Variants in MAST4 observed in about 807,000 individuals in gnomAD.
MAST4 encodes microtubule associated serine/threonine kinase family member 4.
MAST4 carries 89 observed loss-of-function variants against 162.7 expected under a neutral mutation model. The ratio of observed to expected loss-of-function variants is 0.55; its 90% confidence interval spans 0.46 to 0.65. The LOEUF is 0.65. MAST4 is among the 30% of genes least tolerant of loss of function. The probability of loss-of-function intolerance (pLI) is 0.00; values close to 1 mark genes in which losing one functional copy is unlikely to be tolerated. For synonymous variants in MAST4, 1,479 were observed against 1,361.1 expected (o/e 1.09, Z -1.91); for missense variants, 3,153 against 3,374.0 (o/e 0.93, Z 1.62).
chr5:66,913,244 C>A (rs796906859), intron 4 of MAST4, among the ~76,000 whole-genome samples: 2 of 152,174 alleles, frequency 1.3e-5, no homozygotes, highest in Admixed American at 6.5e-5. Context: ...CCATCTCCCC[C>A]AGAAGTTTTC....
Position 67,045,537 on chromosome 5 carries a change from A to G in MAST4, c.675-8867A>G, listed in dbSNP as rs141446414. Reference sequence around the variant, plus strand: ...CATTTCAGTCAACAACAGACCACATATATGAAGGACTGCATATACACAGGT... The same window carrying G: ...CATTTCAGTCAACAACAGACCACATGTATGAAGGACTGCATATACACAGGT... On this transcript the variant is annotated intron_variant, in intron 4 of 28. Coordinates refer to ENST00000403625, the MANE Select transcript of MAST4 (RefSeq NM_001164664.2). 1.0e-3 allele frequency among the ~76,000 whole-genome samples: 159 copies of G among 152,356 alleles called. 2 individuals carry two copies. Among genetic ancestry groups the G allele is most frequent in the African/African-American group, 3.8e-3 (157 of 41,580 alleles).
At chr5:66,690,230 T>C (rs1748952147) in intron 1 of MAST4, among the ~76,000 whole-genome samples, 1 of 152,180 alleles carries the variant, frequency 6.6e-6, no homozygotes, top group Non-Finnish European at 1.5e-5. Flanking sequence ...ATTGTTAATT[T>C]GAGGGTCAAA....
chr5:66,816,196 C>T (rs1756709736), intron 3 of MAST4, among the ~76,000 whole-genome samples: 1 of 152,028 alleles, frequency 6.6e-6, no homozygotes, highest in African/African-American at 2.4e-5. Flanking sequence ...TGTAAACTTT[C>T]TTGAAACATT....
intron 3 of MAST4, among the ~76,000 whole-genome samples, chr5:66,885,394 A>G (rs750714332): frequency 1.4e-4 from 22 of 152,242 alleles, no homozygotes; most frequent in Non-Finnish European, 2.5e-4. Context: ...TACAAAATGC[A>G]GAGTCTAGCA....
rs1191602241 is a variant in MAST4 at position 66,922,894 on chromosome 5, C to G, written c.674+22912C>G. On this transcript the variant is annotated intron_variant, in intron 4 of 28. Coordinates refer to ENST00000403625, the MANE Select transcript of MAST4 (RefSeq NM_001164664.2). ...TCTCCAATTTAGGGCGGCACATGTTCCCCAACCTCCAATTTATCTGACCAG... is the reference window on the plus strand; with the variant it reads ...TCTCCAATTTAGGGCGGCACATGTTGCCCAACCTCCAATTTATCTGACCAG... Among the ~76,000 whole-genome samples the G allele has an allele frequency of 2.6e-5, 4 of 152,190 alleles. No homozygotes were observed. The East Asian group carries it at 7.7e-4, about 29-fold the overall frequency.
intron 1 of MAST4, among the ~76,000 whole-genome samples, chr5:66,627,512 G>A (rs1179787690): frequency 1.3e-5 from 2 of 152,164 alleles, no homozygotes; most frequent in Non-Finnish European, 2.9e-5. Flanking sequence ...CTTCACCAGG[G>A]TAGCAGTCAT....
intron 4 of MAST4, among the ~76,000 whole-genome samples, chr5:66,970,621 A>G (rs1468515127): frequency 6.6e-6 from 1 of 152,120 alleles, no homozygotes; most frequent in Non-Finnish European, 1.5e-5. Flanking sequence ...CTATGCACTC[A>G]CCTTTTCACA....
chr5:66,730,042 C>A (rs1334873873), intron 1 of MAST4, among the ~76,000 whole-genome samples: 8 of 151,834 alleles, frequency 5.3e-5, no homozygotes, highest in East Asian at 1.9e-4. Flanking sequence ...TATTTTTTTT[C>A]TTTTGTCTTA....
At chr5:66,955,060 G>A (rs540457403) in intron 4 of MAST4, among the ~76,000 whole-genome samples, 4 of 151,952 alleles carry the variant, frequency 2.6e-5, no homozygotes, top group Non-Finnish European at 5.9e-5. Context: ...ACAAAAATTA[G>A]CTGGGCATGG....
At position 67,134,666 on chromosome 5, in the gene MAST4, GC is replaced by G; in HGVS notation, c.2371del (p.Leu791TyrfsTer26). 1 of 1,613,094 alleles carries G rather than the reference GC, an allele frequency of 6.2e-7. No homozygotes were observed. On this transcript the variant is annotated frameshift_variant, in exon 18 of 29. Coordinates refer to ENST00000403625, the MANE Select transcript of MAST4 (RefSeq NM_001164664.2). LOFTEE classifies it high-confidence loss of function. ...CATTCTTTGGGGATACTCCAGAGGA[GC>G]TATTTGGACAAGTCATCAGTGGTAA... Reference protein sequence around the residue: ...VPFFGDTPEELFGQVISDEIN... With the variant: ...VPFFGDTPEEXFGQVISDEIN...
chr5:67,055,791 A>G (rs1224102526), intron 5 of MAST4, among the ~76,000 whole-genome samples: 3 of 152,158 alleles, frequency 2.0e-5, no homozygotes, highest in Non-Finnish European at 2.9e-5. Flanking sequence ...GAAGTAACCT[A>G]ACGATCTATC....
At chr5:66,695,629 C>T (rs946565177) in intron 1 of MAST4, among the ~76,000 whole-genome samples, 1 of 151,922 alleles carries the variant, frequency 6.6e-6, no homozygotes, top group Non-Finnish European at 1.5e-5. Context: ...TTTCATGATA[C>T]TGATTTTTCC....
At chr5:66,737,631 G>A (rs1018316959) in intron 1 of MAST4, among the ~76,000 whole-genome samples, 1 of 152,084 alleles carries the variant, frequency 6.6e-6, no homozygotes, top group South Asian at 2.1e-4. Context: ...TGTGTCTAGG[G>A]TACATACTGA....
chr5:66,750,386 G>A (rs893244276), intron 1 of MAST4, among the ~76,000 whole-genome samples: 22 of 152,208 alleles, frequency 1.4e-4, no homozygotes, highest in African/African-American at 4.3e-4. Flanking sequence ...CTGAGGTACC[G>A]GGTTCATCTC....
At chr5:66,970,667 A>G (rs935982613) in intron 4 of MAST4, among the ~76,000 whole-genome samples, 36 of 152,362 alleles carry the variant, frequency 2.4e-4, no homozygotes, top group African/African-American at 8.4e-4. Context: ...CTTGAGTTAA[A>G]GGCAGAAATT....
chr5:66,599,670 T>G (rs1029442902), intron 1 of MAST4, among the ~76,000 whole-genome samples: 1 of 152,232 alleles, frequency 6.6e-6, no homozygotes, highest in Non-Finnish European at 1.5e-5. Context: ...GCATAACTTA[T>G]ATGCTACCTA....
chr5:66,614,875 G>A (rs1259247413), intron 1 of MAST4, among the ~76,000 whole-genome samples: 3 of 152,112 alleles, frequency 2.0e-5, no homozygotes, highest in Admixed American at 6.5e-5. Context: ...TCTCTGCAGC[G>A]AAAGACAAGG....
At chr5:67,066,429 TTA>T in intron 5 of MAST4, among the ~76,000 whole-genome samples, 1 of 151,124 alleles carries the variant, frequency 6.6e-6, no homozygotes. Flanking sequence ...TAAATATGAT[TTA>T]TATATATACA....
At chr5:66,770,724 T>C (rs181137190) in intron 2 of MAST4, among the ~76,000 whole-genome samples, 1 of 152,206 alleles carries the variant, frequency 6.6e-6, no homozygotes, top group African/African-American at 2.4e-5. Context: ...GCTCTTTGCT[T>C]TGATGTGTAC....
Sources: gnomAD v4.1 joint callset for allele counts (sites outside exome capture counted in the v4.1 genomes callset) on GRCh38, gnomAD v4.1.1 for gene constraint, MANE v1.5 for transcripts, NCBI Gene and HGNC (gene_info 2026-07-23, HGNC 2026-07-21) for gene names.